Variants in FKTN observed in about 807,000 individuals in gnomAD.
The protein encoded by FKTN is ribitol-5-phosphate transferase FKTN.
Under a neutral mutation model 58.6 loss-of-function variants are expected in FKTN, and 47 were observed. The observed-to-expected ratio is 0.80, with a 90% CI of 0.63 to 1.02. The LOEUF is 1.02. FKTN is among the 50% of genes least tolerant of loss of function. The probability of loss-of-function intolerance (pLI) is 0.00; values close to 1 mark genes in which losing one functional copy is unlikely to be tolerated. For missense variants in FKTN, 516 were observed against 537.3 expected, an observed-to-expected ratio of 0.96 and a Z score of 0.39; for synonymous variants, 178 against 191.9, an observed-to-expected ratio of 0.93 and a Z score of 0.60.
At chr9:105,624,174 A>G (rs867054618) in intron 10 of FKTN, 3 of 152,198 alleles carry the variant, frequency 2.0e-5, no homozygotes, top group African/African-American at 7.2e-5. Context: ...GAGCATGCTT[A>G]GTTTGCTATA....
At chr9:105,620,342 G>A (rs748711342) in intron 10 of FKTN, among the ~76,000 whole-genome samples, 1 of 152,174 alleles carries the variant, frequency 6.6e-6, no homozygotes, top group African/African-American at 2.4e-5. Context: ...ATGAGAACCT[G>A]AAGAGCATGG....
intron 10 of FKTN, among the ~76,000 whole-genome samples, chr9:105,627,008 TG>T (rs1832824780): frequency 6.7e-6 from 1 of 148,622 alleles, no homozygotes; most frequent in Non-Finnish European, 1.5e-5. Flanking sequence ...GAGACAGAGT[TG>T]TCACCCAGGC....
chr9:105,602,950 T>A (rs1828163229), intron 5 of FKTN, among the ~76,000 whole-genome samples: 1 of 152,170 alleles, frequency 6.6e-6, no homozygotes, highest in Admixed American at 6.5e-5. Context: ...AAAGACTCCA[T>A]TTGCATGTGA....
In FKTN at chr9:105,640,923, A is replaced by G. The variant is rs1384363932; in HGVS notation, c.*5659A>G. 1 of 152,238 alleles carries G rather than the reference A, an allele frequency of 6.6e-6. No homozygotes were observed. Among genetic ancestry groups the G allele is most frequent in the Non-Finnish European group, 1.5e-5 (1 of 68,034 alleles). The allele number at this position is 152,238 out of a possible 1,614,324, so 9.4% of individuals were successfully genotyped here. On this transcript the variant is annotated 3_prime_UTR_variant, in exon 11 of 11. Coordinates refer to ENST00000357998, the MANE Select transcript of FKTN (RefSeq NM_001079802.2). The stretch of plus-strand genomic sequence containing the variant: ...CCACTTCATAACTACAAAAACATAT[A>G]TATGAATTTCTAAACAAAGTGATAT...
chr9:105,611,847 T>C (rs953545458), intron 7 of FKTN, among the ~76,000 whole-genome samples: 2 of 152,158 alleles, frequency 1.3e-5, no homozygotes, highest in Non-Finnish European at 2.9e-5. Flanking sequence ...ATGATTTATA[T>C]TCCTTTCAGT....
At position 105,607,828 on chromosome 9, in the gene FKTN, AC is replaced by A. The variant is rs1829181339; in HGVS notation, c.658del (p.Gln220SerfsTer20). ...TAACTTTTGTTTTCAGGCCAGAGTT[AC>A]AGCAAGTTACTGTTGATGGACTGGA... is the stretch of plus-strand genomic sequence containing the variant. ...YPGAFDRPEL[Q>X]QVTVDGLEVL... On this transcript the variant is annotated frameshift_variant, in exon 7 of 11. Coordinates refer to ENST00000357998, the MANE Select transcript of FKTN (RefSeq NM_001079802.2). LOFTEE classifies it high-confidence loss of function. 6.2e-7 allele frequency: 1 copy of A among 1,612,764 alleles called. No individual in the cohort carries two copies. The highest frequency in any genetic ancestry group is 8.5e-7 in the Non-Finnish European group (1 of 1,179,326).
At chr9:105,610,288 A>G (rs917485189) in intron 7 of FKTN, among the ~76,000 whole-genome samples, 2 of 152,064 alleles carry the variant, frequency 1.3e-5, no homozygotes, top group African/African-American at 4.8e-5. Flanking sequence ...GTTTTGCTGC[A>G]GAGAGTTTCT....
chr9:105,632,325 G>A (rs1267881625), intron 10 of FKTN, among the ~76,000 whole-genome samples: 1 of 151,818 alleles, frequency 6.6e-6, no homozygotes, highest in Admixed American at 6.6e-5. Flanking sequence ...GCTAGATGAC[G>A]AGTTAGTGGG....
chr9:105,587,339 C>A (rs1844092592), intron 3 of FKTN, among the ~76,000 whole-genome samples: 1 of 152,052 alleles, frequency 6.6e-6, no homozygotes, highest in Non-Finnish European at 1.5e-5. Flanking sequence ...GTTTGGATTT[C>A]AAGTTTGGCA....
In FKTN at chr9:105,637,062, A is replaced by G; in HGVS notation, c.*1798A>G. The G allele has an allele frequency of 1.0e-6, 1 of 990,276 alleles. No individual in the cohort carries two copies. The highest frequency in any genetic ancestry group is 1.2e-6 in the Non-Finnish European group (1 of 831,520). The allele number at this position is 990,276 out of a possible 1,614,324, so 61.3% of individuals were successfully genotyped here. A position where few individuals can be genotyped will look rare whatever the true frequency, so the allele number is the denominator to read the frequency against. On this transcript the variant is annotated 3_prime_UTR_variant, in exon 11 of 11. Coordinates refer to ENST00000357998, the MANE Select transcript of FKTN (RefSeq NM_001079802.2). Reference sequence around the variant, plus strand: ...TCTTTGCTAGAAAATCAGCCCATAGAGTGCATTCCCAAATTCTAAATAGCT... The same window carrying G: ...TCTTTGCTAGAAAATCAGCCCATAGGGTGCATTCCCAAATTCTAAATAGCT...
intron 10 of FKTN, among the ~76,000 whole-genome samples, chr9:105,632,419 TAAAA>T (rs11399147): frequency 1.4e-5 from 2 of 142,882 alleles, no homozygotes; most frequent in African/African-American, 5.0e-5. Flanking sequence ...AAAAGTATAA[TAAAA>T]AAAAATATAT....
At chr9:105,577,264 A>G (rs1239284523) in intron 3 of FKTN, among the ~76,000 whole-genome samples, 1 of 145,632 alleles carries the variant, frequency 6.9e-6, no homozygotes, top group Non-Finnish European at 1.5e-5. Flanking sequence ...CCTGAATGGT[A>G]ATGCCTAGGT....
intron 1 of FKTN, among the ~76,000 whole-genome samples, chr9:105,562,497 G>A (rs1365373233): frequency 6.6e-6 from 1 of 152,160 alleles, no homozygotes; most frequent in African/African-American, 2.4e-5. Flanking sequence ...CCAATCTTAG[G>A]TTCTGTAGCC....
intron 1 of FKTN, among the ~76,000 whole-genome samples, chr9:105,564,951 C>G (rs62062221): frequency 4.6e-5 from 7 of 152,296 alleles, no homozygotes; most frequent in Admixed American, 1.3e-4. Flanking sequence ...GCTGATCTCT[C>G]GGCAGGAACT....
At chr9:105,596,155 A>T (rs972606445) in intron 3 of FKTN, among the ~76,000 whole-genome samples, 1 of 152,224 alleles carries the variant, frequency 6.6e-6, no homozygotes, top group African/African-American at 2.4e-5. Context: ...TACATAATTG[A>T]TATATGGAAG....
In FKTN at chr9:105,604,464, T is replaced by G. The variant is rs1461669175; in HGVS notation, c.619T>G (p.Phe207Val). Residue 207 changes from phenylalanine (F) to valine (V), a missense_variant, in exon 6 of 11, where the codon TTT becomes GTT. By Grantham distance (50) the Phe-to-Val change is conservative. Transcript: ENST00000357998. ...ATTTGTTCCCTTCCGAAAGTTACAG[T>G]TTGGTCGTTATCCAGGAGCTTTTGA... is the stretch of plus-strand genomic sequence containing the variant. ...RKFVPFRKLQFGRYPGAFDRP... is the reference protein window; with the variant it reads ...RKFVPFRKLQVGRYPGAFDRP... 1 of 1,614,116 alleles carries G rather than the reference T, an allele frequency of 6.2e-7. No homozygotes were observed. Among genetic ancestry groups the G allele is most frequent in the Admixed American group, 1.7e-5 (1 of 60,016 alleles).
intron 3 of FKTN, among the ~76,000 whole-genome samples, chr9:105,591,715 A>G (rs954578928): frequency 6.6e-6 from 1 of 152,074 alleles, no homozygotes; most frequent in African/African-American, 2.4e-5. Context: ...TCCAGTAGGC[A>G]GTGCCCCAGT....
intron 1 of FKTN, among the ~76,000 whole-genome samples, chr9:105,567,591 G>A (rs896218338): frequency 3.3e-5 from 5 of 152,318 alleles, no homozygotes; most frequent in African/African-American, 1.2e-4. Flanking sequence ...CAAGGGATGT[G>A]AAGGACCTCT....
chr9:105,561,074 G>A (rs1838204611), intron 1 of FKTN, among the ~76,000 whole-genome samples: 1 of 150,356 alleles, frequency 6.7e-6, no homozygotes, highest in Non-Finnish European at 1.5e-5. Context: ...AACAGAGCAA[G>A]AATCCGTCTC....
Sources: allele counts gnomAD v4.1 joint callset (sites outside exome capture counted in the v4.1 genomes callset), GRCh38; gene constraint gnomAD v4.1.1; transcripts MANE v1.5; gene names NCBI Gene and HGNC (gene_info 2026-07-23, HGNC 2026-07-21).